SGCZ: variants seen among roughly 807,000 people sequenced by gnomAD.
The protein encoded by SGCZ is zeta-sarcoglycan.
Under a neutral mutation model 41.3 loss-of-function variants are expected in SGCZ, and 40 were observed. The observed-to-expected ratio is 0.97, with a 90% CI of 0.75 to 1.26. The LOEUF is 1.26. Ranked by LOEUF, SGCZ falls within the 50% of genes most tolerant of loss-of-function variation. The probability of loss-of-function intolerance (pLI) is 0.00; values close to 1 mark genes in which losing one functional copy is unlikely to be tolerated. For synonymous variants in SGCZ, 206 were observed against 137.5 expected (o/e 1.50, Z -3.49); for missense variants, 552 against 369.8 (o/e 1.49, Z -4.04).
chr8:14,164,320 C>T (rs1290701969), intron 5 of SGCZ, among the ~76,000 whole-genome samples: 6 of 152,026 alleles, frequency 3.9e-5, no homozygotes, highest in African/African-American at 4.8e-5. Context: ...TCCACCCCGC[C>T]CAGCCACATC....
chr8:14,151,220 T>C (rs1302498043), intron 5 of SGCZ, among the ~76,000 whole-genome samples: 1 of 152,160 alleles, frequency 6.6e-6, no homozygotes, highest in Non-Finnish European at 1.5e-5. Flanking sequence ...AGGGCATGAA[T>C]ACTCCATTCT....
intron 1 of SGCZ, chr8:14,879,825 GT>G (rs1286907672): frequency 6.6e-6 from 1 of 151,124 alleles, no homozygotes; most frequent in East Asian, 1.9e-4. Flanking sequence ...TTGGGTTTTT[GT>G]TTTTAGGTTT....
chr8:15,070,875 C>A (rs1805326717), intron 1 of SGCZ, among the ~76,000 whole-genome samples: 1 of 152,054 alleles, frequency 6.6e-6, no homozygotes, highest in South Asian at 2.1e-4. Context: ...CTGAGGTGTT[C>A]ATCTCGGATC....
chr8:14,391,545 G>GA lies in SGCZ; in HGVS notation c.235-67342dup, dbSNP rs1379491952. ...GTACTATGTTCAGGGGCAGAAGTAG[G>GA]AAGTGTGGCTAGAGGAGAAGCCATA... On this transcript the variant is annotated intron_variant, in intron 2 of 7. Coordinates refer to ENST00000382080, the MANE Select transcript of SGCZ (RefSeq NM_139167.4). Among the ~76,000 whole-genome samples, 3 of 152,210 alleles carry GA rather than the reference G, an allele frequency of 2.0e-5. No individual in the cohort carries two copies. In the East Asian group the frequency reaches 5.8e-4, roughly 29 times the overall value.
At chr8:14,749,275 T>A (rs1448310463) in intron 1 of SGCZ, among the ~76,000 whole-genome samples, 1 of 152,178 alleles carries the variant, frequency 6.6e-6, no homozygotes, top group Non-Finnish European at 1.5e-5. Flanking sequence ...TATATCAAGT[T>A]AGAATGGCCG....
In SGCZ at chr8:14,645,889, C is replaced by T. The variant is rs993467541; in HGVS notation, c.40-90963G>A. On this transcript the variant is annotated intron_variant, in intron 1 of 7. Coordinates refer to ENST00000382080, the MANE Select transcript of SGCZ (RefSeq NM_139167.4). Reference sequence around the variant, plus strand: ...CTCAATTAAACTAAATTGAAGTGTTCCATAATGTACCTCATGATATTTTAA... The same window carrying T: ...CTCAATTAAACTAAATTGAAGTGTTTCATAATGTACCTCATGATATTTTAA... Among the ~76,000 whole-genome samples, 16 of 151,530 alleles carry T rather than the reference C, an allele frequency of 1.1e-4. 3 individuals carry two copies. The highest frequency in any genetic ancestry group is 9.9e-4 in the Admixed American group (15 of 15,136).
In SGCZ at chr8:15,237,575, C is replaced by T. The variant is rs776285866; in HGVS notation, c.39+10G>A. 1.3e-6 allele frequency: 2 copies of T among 1,587,802 alleles called. No individual in the cohort carries two copies. Among genetic ancestry groups the T allele is most frequent in the Non-Finnish European group, 1.7e-6 (2 of 1,165,238 alleles). On this transcript the variant is annotated intron_variant, in intron 1 of 7. Coordinates refer to ENST00000382080, the MANE Select transcript of SGCZ (RefSeq NM_139167.4). ...AAGCGGCCGCGAAGCCCGCCCGGAC[C>T]CGCACGTACCTTGAGCTCCTCAATG...
chr8:14,316,523 G>A (rs187131036), intron 3 of SGCZ, among the ~76,000 whole-genome samples: 1 of 152,064 alleles, frequency 6.6e-6, no homozygotes, highest in East Asian at 1.9e-4. Flanking sequence ...GCATAATCGA[G>A]TTAATAGAAG....
At chr8:14,919,925 T>C (rs1400458161) in intron 1 of SGCZ, among the ~76,000 whole-genome samples, 3 of 152,094 alleles carry the variant, frequency 2.0e-5, no homozygotes, top group Non-Finnish European at 4.4e-5. Flanking sequence ...TTTTTTTGTT[T>C]TGTTTTGTTT....
At chr8:14,980,941 C>T (rs926679462) in intron 1 of SGCZ, among the ~76,000 whole-genome samples, 1 of 152,190 alleles carries the variant, frequency 6.6e-6, no homozygotes, top group African/African-American at 2.4e-5. Flanking sequence ...CCACCTACTC[C>T]CCACCATGCC....
intron 3 of SGCZ, among the ~76,000 whole-genome samples, chr8:14,318,397 A>T (rs1801789711): frequency 6.6e-6 from 1 of 151,982 alleles, no homozygotes; most frequent in African/African-American, 2.4e-5. Context: ...ATACAAGTTT[A>T]TGATATAAAA....
chr8:14,659,925 G>C (rs994331416), intron 1 of SGCZ, among the ~76,000 whole-genome samples: 2 of 152,122 alleles, frequency 1.3e-5, no homozygotes, highest in African/African-American at 4.8e-5. Flanking sequence ...CTAAAAAGGG[G>C]AAATTTGCAC....
intron 2 of SGCZ, among the ~76,000 whole-genome samples, chr8:14,417,187 A>G (rs534701882): frequency 2.6e-5 from 4 of 151,980 alleles, no homozygotes; most frequent in African/African-American, 9.6e-5. Flanking sequence ...TAATTGTAAC[A>G]TGGAAGAAGT....
chr8:14,380,489 A>G (rs994089077), intron 2 of SGCZ, among the ~76,000 whole-genome samples: 1 of 152,194 alleles, frequency 6.6e-6, no homozygotes, highest in Admixed American at 6.5e-5. Flanking sequence ...ATGTATTTTA[A>G]ACACTTTATC....
chr8:14,149,366 C>T (rs903857121), intron 5 of SGCZ, among the ~76,000 whole-genome samples: 1 of 151,998 alleles, frequency 6.6e-6, no homozygotes, highest in African/African-American at 2.4e-5. Flanking sequence ...AATTCAGTAG[C>T]ATTTCTATAT....
In SGCZ at chr8:15,232,675, G is replaced by GTA. The variant is rs34496062; in HGVS notation, c.39+4908_39+4909dup. ...TATATATATACATATATATGTGTGTGTATATATATATATATGTGTGTATAT... is the reference window on the plus strand; with the variant it reads ...TATATATATACATATATATGTGTGTGTATATATATATATATATGTGTGTATAT... On this transcript the variant is annotated intron_variant, in intron 1 of 7. Coordinates refer to ENST00000382080, the MANE Select transcript of SGCZ (RefSeq NM_139167.4). Among the ~76,000 whole-genome samples the GTA allele has an allele frequency of 8.9e-3, 1,046 of 117,504 alleles. 21 individuals are homozygous for GTA. The highest frequency in any genetic ancestry group is 0.03 in the African/African-American group (933 of 31,314). The allele number at this position is 117,504 out of a possible 152,430, so 77.1% of individuals were successfully genotyped here. A position where few individuals can be genotyped will look rare whatever the true frequency, so the allele number is the denominator to read the frequency against.
intron 1 of SGCZ, among the ~76,000 whole-genome samples, chr8:14,901,735 G>A (rs1053436049): frequency 2.6e-5 from 4 of 152,020 alleles, no homozygotes; most frequent in African/African-American, 7.2e-5. Context: ...GTCAAGCAAC[G>A]TACATGACAA....
chr8:14,383,961 C>CT (rs890083735), intron 2 of SGCZ, among the ~76,000 whole-genome samples: 2 of 150,544 alleles, frequency 1.3e-5, no homozygotes, highest in East Asian at 1.9e-4. Flanking sequence ...TCTTTTTTTT[C>CT]TTTTTTTAAA....
chr8:14,594,690 A>T (rs1805350847), intron 1 of SGCZ, among the ~76,000 whole-genome samples: 1 of 151,934 alleles, frequency 6.6e-6, no homozygotes, highest in African/African-American at 2.4e-5. Flanking sequence ...TTTTCAAATT[A>T]AAAATAAAAT....
Sources: gnomAD v4.1 joint callset for allele counts (sites outside exome capture counted in the v4.1 genomes callset) on GRCh38, gnomAD v4.1.1 for gene constraint, MANE v1.5 for transcripts, NCBI Gene and HGNC (gene_info 2026-07-23, HGNC 2026-07-21) for gene names.